CRTC1: variants seen among roughly 807,000 people sequenced by gnomAD.
The protein encoded by CRTC1 is CREB regulated transcription coactivator 1, also known as CREB-regulated transcription coactivator 1.
CRTC1 carries 18 observed loss-of-function variants against 66.1 expected under a neutral mutation model. The observed-to-expected ratio is 0.27, with a 90% CI of 0.19 to 0.40. The LOEUF (loss-of-function observed/expected upper bound fraction) is 0.40. Among genes scored for constraint, CRTC1 ranks in the 10% least tolerant of loss-of-function variants. CRTC1 has a pLI of 1.00. For synonymous variants in CRTC1, 416 were observed against 398.8 expected (o/e 1.04, Z -0.51); for missense variants, 669 against 887.9 (o/e 0.75, Z 3.13).
chr19:18,725,919 G>C (rs958187539), intron 1 of CRTC1, among the ~76,000 whole-genome samples: 1 of 152,222 alleles, frequency 6.6e-6, no homozygotes, highest in African/African-American at 2.4e-5. Flanking sequence ...GATCCCCTGG[G>C]GACATCCCAG....
chr19:18,738,005 G>A (rs1297729437), intron 1 of CRTC1, among the ~76,000 whole-genome samples: 2 of 152,256 alleles, frequency 1.3e-5, no homozygotes, highest in African/African-American at 4.8e-5. Context: ...TAGGCTATTA[G>A]TTAAGTGTTG....
chr19:18,774,808 G>C (rs2054946003), intron 11 of CRTC1, 92 bp from the exon 12 acceptor site: 1 of 1,207,372 alleles, frequency 8.3e-7, no homozygotes, highest in South Asian at 1.2e-5. Flanking sequence ...GGAGGTTCCA[G>C]GGGCCTCTTG....
At chr19:18,749,520 C>G (rs1454787426) in intron 4 of CRTC1, among the ~76,000 whole-genome samples, 1 of 152,254 alleles carries the variant, frequency 6.6e-6, no homozygotes, top group Non-Finnish European at 1.5e-5. Context: ...TCACCTCAGC[C>G]TCCTGTGTCG....
intron 1 of CRTC1, among the ~76,000 whole-genome samples, chr19:18,687,351 G>A (rs2145450429): frequency 6.6e-6 from 1 of 152,250 alleles, no homozygotes; most frequent in African/African-American, 2.4e-5. Context: ...GATTAGAGGT[G>A]TAACAGTGAG....
chr19:18,779,804 T>C lies in CRTC1; in HGVS notation c.*2422T>C. ...ACGACCTTGGTCCATTATGGAGTTC[T>C]TTTTCCAATAAGAACCTGGTGGACC... On this transcript the variant is annotated 3_prime_UTR_variant, in exon 14 of 14. Coordinates refer to ENST00000321949, the MANE Select transcript of CRTC1 (RefSeq NM_015321.3). 4.5e-6 allele frequency: 1 copy of C among 222,994 alleles called. No homozygotes were observed. Among genetic ancestry groups the C allele is most frequent in the Non-Finnish European group, 9.0e-6 (1 of 111,660 alleles). The allele number at this position is 222,994 out of a possible 1,614,324, so 13.8% of individuals were successfully genotyped here. A position where few individuals can be genotyped will look rare whatever the true frequency, so the allele number is the denominator to read the frequency against.
chr19:18,776,489 C>T (rs772637119), intron 13 of CRTC1, among the ~76,000 whole-genome samples: 14 of 152,310 alleles, frequency 9.2e-5, no homozygotes, highest in Middle Eastern at 3.4e-3. Context: ...TGGAAGTGTC[C>T]GTATTTAGTG....
At chr19:18,774,187 C>T (rs1035356359) in intron 11 of CRTC1, among the ~76,000 whole-genome samples, 2 of 152,216 alleles carry the variant, frequency 1.3e-5, no homozygotes, top group Admixed American at 6.5e-5. Context: ...CTCCACACCC[C>T]AGCCAGACCT....
intron 1 of CRTC1, among the ~76,000 whole-genome samples, chr19:18,719,247 T>C (rs768594244): frequency 3.9e-5 from 6 of 152,200 alleles, no homozygotes; most frequent in Middle Eastern, 3.2e-3. Flanking sequence ...GTGTGTCTGC[T>C]GGGCACTCCA....
chr19:18,719,821 C>A (rs2053584074), intron 1 of CRTC1, among the ~76,000 whole-genome samples: 1 of 152,266 alleles, frequency 6.6e-6, no homozygotes, highest in Non-Finnish European at 1.5e-5. Flanking sequence ...GATCTGACTT[C>A]CCTGAGGTTA....
chr19:18,734,637 C>T (rs186397037), intron 1 of CRTC1, among the ~76,000 whole-genome samples: 61 of 152,234 alleles, frequency 4.0e-4, no homozygotes, highest in Middle Eastern at 6.8e-3. Context: ...CTGATCGTGC[C>T]GCTGTACTCC....
rs115617231 is a variant in CRTC1, at chr19:18,741,706, C to A, written c.127-1204C>A. Among the ~76,000 whole-genome samples the A allele has an allele frequency of 1.8e-3, 281 of 152,308 alleles. 2 individuals carry two copies. Among genetic ancestry groups the A allele is most frequent in the African/African-American group, 6.6e-3 (274 of 41,574 alleles). On this transcript the variant is annotated intron_variant, in intron 1 of 13. Coordinates refer to ENST00000321949, the MANE Select transcript of CRTC1 (RefSeq NM_015321.3). This position sits in a 1 kb window ranked among gnomAD's most constrained non-coding sequence, Gnocchi z 4.2. ...GGCCACCAAGGGCTCCCAGCACAGA[C>A]CCTGGGCCTCACCCCCAGGCCCTCG...
In CRTC1 at chr19:18,753,427, C is replaced by T; in HGVS notation, c.539-73C>T. The stretch of plus-strand genomic sequence containing the variant: ...ATGACTCCGTGTGTCAGGGACGTGT[C>T]CTCCTGGTACCACCATGCGGCTGCA... On this transcript the variant is annotated intron_variant, in intron 5 of 13. Transcript: ENST00000321949. 7 of 1,103,168 alleles carry T rather than the reference C, an allele frequency of 6.3e-6. No homozygotes were observed. The South Asian group carries it at 6.6e-5, about 10-fold the overall frequency. The allele number at this position is 1,103,168 out of a possible 1,614,324, so 68.3% of individuals were successfully genotyped here.
At chr19:18,735,387 A>G in intron 1 of CRTC1, among the ~76,000 whole-genome samples, 1 of 152,156 alleles carries the variant, frequency 6.6e-6, no homozygotes, top group East Asian at 1.9e-4. Context: ...TGCTTGATCC[A>G]GGGCAGTGAC....
intron 1 of CRTC1, among the ~76,000 whole-genome samples, chr19:18,729,207 C>G (rs1196617823): frequency 6.7e-6 from 1 of 148,778 alleles, no homozygotes; most frequent in South Asian, 2.1e-4. Context: ...GGGCGGATCA[C>G]GAGGTCAGGA....
At chr19:18,740,804 G>A (rs1013959795) in intron 1 of CRTC1, among the ~76,000 whole-genome samples, 5 of 152,014 alleles carry the variant, frequency 3.3e-5, no homozygotes, top group African/African-American at 1.2e-4. Context: ...AGGAGTTTGA[G>A]ACCAGCCTGA....
intron 1 of CRTC1, among the ~76,000 whole-genome samples, chr19:18,719,280 G>T (rs973412016): frequency 6.6e-6 from 1 of 152,208 alleles, no homozygotes. Flanking sequence ...GGCCCCGCTA[G>T]CCCAGAATGC....
In CRTC1 at chr19:18,777,224, G is replaced by C. The variant is rs778913373; in HGVS notation, c.1747G>C (p.Gly583Arg). Residue 583 changes from glycine (G) to arginine (R), a missense_variant, in exon 14 of 14, where the codon GGG becomes CGG. Transcript: ENST00000321949. The surrounding 1 kb of genome is among the most constrained non-coding windows in gnomAD (Gnocchi z 5.5). ...TAAAGAACTGACCAGCTCTCTGGCC[G>C]GGGTCGGCGACGTCAGCTTCGACTC... ...LSKELTSSLA[G>R]VGDVSFDSDS... The C allele has an allele frequency of 3.1e-6, 5 of 1,607,078 alleles. No individual in the cohort carries two copies. In the South Asian group the frequency reaches 5.5e-5, roughly 18 times the overall value.
chr19:18,745,312 G>A (rs1217424124), intron 2 of CRTC1, among the ~76,000 whole-genome samples: 1 of 152,204 alleles, frequency 6.6e-6, no homozygotes, highest in Non-Finnish European at 1.5e-5. Context: ...GGCTCCACAA[G>A]GAAGCCTCCC....
At chr19:18,755,392 G>A (rs1303498000) in intron 6 of CRTC1, among the ~76,000 whole-genome samples, 1 of 151,854 alleles carries the variant, frequency 6.6e-6, no homozygotes, top group Admixed American at 6.6e-5. Flanking sequence ...CAGAGTAGCT[G>A]GGACTACAGG....
Sources: gnomAD v4.1 joint callset for allele counts (sites outside exome capture counted in the v4.1 genomes callset) on GRCh38, gnomAD v4.1.1 for gene constraint, Gnocchi (gnomAD v3.1) non-coding constraint, MANE v1.5 for transcripts, NCBI Gene and HGNC (gene_info 2026-07-23, HGNC 2026-07-21) for gene names.